ANKS1A: variants seen among roughly 807,000 people sequenced by gnomAD.
The protein encoded by ANKS1A is ankyrin repeat and sterile alpha motif domain containing 1A, also known as ankyrin repeat and SAM domain-containing protein 1A.
A neutral mutation model predicts 120.3 loss-of-function variants in ANKS1A; 55 were observed. The observed-to-expected ratio is 0.46, with a 90% CI of 0.37 to 0.57. The LOEUF (loss-of-function observed/expected upper bound fraction) is 0.57. Among genes scored for constraint, ANKS1A ranks in the 20% least tolerant of loss-of-function variants. The pLI is 0.00. For missense variants in ANKS1A, 1,123 were observed against 1,480.3 expected (o/e 0.76, Z 3.96); for synonymous variants, 590 against 604.7 (o/e 0.98, Z 0.36).
In ANKS1A at chr6:34,891,530, C is replaced by A. The variant is rs546209731; in HGVS notation, c.197+1931C>A. On this transcript the variant is annotated intron_variant, in intron 1 of 23. Coordinates refer to ENST00000360359, the MANE Select transcript of ANKS1A (RefSeq NM_015245.3). ...GCCTCTGTCTTTAATGAGTTGATGA[C>A]ATAGCATTTGGAGATTTTCCAGAGA... Among the ~76,000 whole-genome samples, 19 of 152,314 alleles carry A rather than the reference C, an allele frequency of 1.2e-4. No individual in the cohort carries two copies. The East Asian group carries it at 3.7e-3, about 29-fold the overall frequency.
Position 35,084,046 on chromosome 6 carries a change from G to A in ANKS1A, c.2995-75G>A. 6.3e-7 allele frequency: 1 copy of A among 1,583,312 alleles called. No individual in the cohort carries two copies. The highest frequency in any genetic ancestry group is 1.2e-5 in the South Asian group (1 of 86,560). On this transcript the variant is annotated intron_variant, in intron 20 of 23. Transcript: ENST00000360359. The surrounding 1 kb of genome is among the most constrained non-coding windows in gnomAD (Gnocchi z 4.8). ...GGCTGGGACAGAGAACAGTGACAAT[G>A]GTAACAGGCTGGGGCAGGGGGTGCC...
chr6:34,968,516 C>T (rs1025089761), intron 2 of ANKS1A, among the ~76,000 whole-genome samples: 2 of 152,140 alleles, frequency 1.3e-5, no homozygotes, highest in Non-Finnish European at 2.9e-5. Context: ...TGGCTCACTG[C>T]AACCTCCACC....
chr6:35,005,103 A>T (rs931218495), intron 10 of ANKS1A, among the ~76,000 whole-genome samples: 2 of 152,222 alleles, frequency 1.3e-5, no homozygotes, highest in Non-Finnish European at 2.9e-5. Flanking sequence ...GTGTTCTTAA[A>T]TACTTATAAA....
chr6:35,094,278 A>C (rs767982641), downstream of ANKS1A, among the ~76,000 whole-genome samples: 4 of 152,188 alleles, frequency 2.6e-5, no homozygotes, highest in Admixed American at 2.0e-4. Flanking sequence ...AGTAATCAAT[A>C]GATATCAACA....
chr6:34,934,293 G>A (rs1479581921), intron 1 of ANKS1A, among the ~76,000 whole-genome samples: 2 of 151,946 alleles, frequency 1.3e-5, no homozygotes, highest in South Asian at 2.1e-4. Flanking sequence ...GACTACAGGC[G>A]CCCACCACCA....
intron 1 of ANKS1A, among the ~76,000 whole-genome samples, chr6:34,945,482 A>T (rs1769744860): frequency 6.6e-6 from 1 of 152,186 alleles, no homozygotes; most frequent in African/African-American, 2.4e-5. Flanking sequence ...TGTTGCAAAG[A>T]CCATCTTATC....
rs202095389 is a variant in ANKS1A at position 34,981,997 on chromosome 6, G to A, written c.732+11G>A. On this transcript the variant is annotated intron_variant, in intron 4 of 23. Transcript: ENST00000360359. ...GACAGCAACTACCAGGTAGCAGGGCGGGTGGGGGCTCCTCCAATCTCAAGA... is the reference window on the plus strand; with the variant it reads ...GACAGCAACTACCAGGTAGCAGGGCAGGTGGGGGCTCCTCCAATCTCAAGA... 1.2e-3 allele frequency: 1,946 copies of A among 1,612,712 alleles called. 2 individuals carry two copies. The highest frequency in any genetic ancestry group is 1.5e-3 in the Non-Finnish European group (1,718 of 1,179,110).
intron 1 of ANKS1A, 26 bp from the exon 2 acceptor site, chr6:34,967,213 C>T (rs1428043016): frequency 6.2e-7 from 1 of 1,604,106 alleles, no homozygotes; most frequent in South Asian, 1.1e-5. Context: ...AAATCTATGT[C>T]TCTCTCTTTT....
At position 35,061,369 on chromosome 6, in the gene ANKS1A, A is replaced by C. The variant is rs536353507; in HGVS notation, c.2184+1116A>C. Among the ~76,000 whole-genome samples, 158 of 152,036 alleles carry C rather than the reference A, an allele frequency of 1.0e-3. No homozygotes were observed. The Middle Eastern group carries it at 0.031, about 29-fold the overall frequency. On this transcript the variant is annotated intron_variant, in intron 13 of 23. Coordinates refer to ENST00000360359, the MANE Select transcript of ANKS1A (RefSeq NM_015245.3). ...AGTCATCTTGGTTTGAGTTAGACCC[A>C]CCCGCTCCGAGGGGATCTCTCTCAC...
intron 11 of ANKS1A, among the ~76,000 whole-genome samples, chr6:35,026,219 G>A (rs1220515662): frequency 6.6e-6 from 1 of 152,148 alleles, no homozygotes; most frequent in East Asian, 1.9e-4. Context: ...GCGTGATTTT[G>A]TATGACTTTG....
Position 35,083,240 on chromosome 6 carries a change from G to C in ANKS1A, c.2907+14G>C. The C allele has an allele frequency of 1.2e-6, 2 of 1,614,026 alleles. No homozygotes were observed. Among genetic ancestry groups the C allele is most frequent in the Non-Finnish European group, 1.7e-6 (2 of 1,179,980 alleles). On this transcript the variant is annotated intron_variant, in intron 19 of 23. Coordinates refer to ENST00000360359, the MANE Select transcript of ANKS1A (RefSeq NM_015245.3). ...GCCAAGATGCGGGTAGGGTGCCTGT[G>C]TGGGCTGGAGGGCGCTGTGGGACTG...
At chr6:35,068,117 C>G (rs1776873444) in intron 13 of ANKS1A, among the ~76,000 whole-genome samples, 1 of 152,184 alleles carries the variant, frequency 6.6e-6, no homozygotes, top group South Asian at 2.1e-4. Flanking sequence ...TGGTCTTGAA[C>G]TCCTGACCTC....
Position 35,086,240 on chromosome 6 carries a change from T to G in ANKS1A, c.3303+304T>G. On this transcript the variant is annotated intron_variant, in intron 22 of 23. Coordinates refer to ENST00000360359, the MANE Select transcript of ANKS1A (RefSeq NM_015245.3). The surrounding 1 kb of genome is among the most constrained non-coding windows in gnomAD (Gnocchi z 5.1). ...GCCCCCAGTAACTGCGCCATCCCTG[T>G]GTCTGTGTCTGCTTTGCTCTGCACC... The G allele has an allele frequency of 7.4e-7, 1 of 1,360,482 alleles. No individual in the cohort carries two copies. Among genetic ancestry groups the G allele is most frequent in the Non-Finnish European group, 9.7e-7 (1 of 1,032,108 alleles). 84.3% of individuals were successfully genotyped at this position (1,360,482 alleles called of 1,614,324 possible).
At chr6:35,073,667 T>C (rs943762916) in intron 13 of ANKS1A, among the ~76,000 whole-genome samples, 3 of 152,254 alleles carry the variant, frequency 2.0e-5, no homozygotes, top group African/African-American at 7.2e-5. Flanking sequence ...GACAATGAAC[T>C]GTTGTCCTTT....
Position 35,050,146 on chromosome 6 carries a change from T to C in ANKS1A, c.2011-3953T>C, listed in dbSNP as rs1775901103. 6.6e-6 allele frequency among the ~76,000 whole-genome samples: 1 copy of C among 152,204 alleles called. No homozygotes were observed. The highest frequency in any genetic ancestry group is 2.1e-4 in the South Asian group (1 of 4,830). On this transcript the variant is annotated intron_variant, in intron 11 of 23. Coordinates refer to ENST00000360359, the MANE Select transcript of ANKS1A (RefSeq NM_015245.3). This position sits in a 1 kb window ranked among gnomAD's most constrained non-coding sequence, Gnocchi z 4.3. ...CAGCAGTATCTCCAGTGTTTGTTTT[T>C]GTTCTTGTTTTCAGCCATATGGGGA...
At chr6:34,933,610 T>A (rs1769106577) in intron 1 of ANKS1A, among the ~76,000 whole-genome samples, 1 of 152,162 alleles carries the variant, frequency 6.6e-6, no homozygotes, top group Admixed American at 6.5e-5. Flanking sequence ...CCTTAGGTGA[T>A]CCGCCCGCCT....
chr6:34,902,603 C>G (rs974051872), intron 1 of ANKS1A, among the ~76,000 whole-genome samples: 6 of 152,046 alleles, frequency 3.9e-5, no homozygotes, highest in Admixed American at 3.3e-4. Context: ...AGTACTTTTA[C>G]TAGATATGTT....
chr6:35,053,065 T>A (rs1409402314), intron 11 of ANKS1A, among the ~76,000 whole-genome samples: 1 of 152,190 alleles, frequency 6.6e-6, no homozygotes, highest in African/African-American at 2.4e-5. Flanking sequence ...GATGCACGGC[T>A]TTGTCTGCCA....
At chr6:34,946,770 G>GT (rs2127489140) in intron 1 of ANKS1A, among the ~76,000 whole-genome samples, 1 of 152,312 alleles carries the variant, frequency 6.6e-6, no homozygotes, top group African/African-American at 2.4e-5. Flanking sequence ...GCACAAAGGT[G>GT]TAAGTATTAG....
Sources: allele counts gnomAD v4.1 joint callset (sites outside exome capture counted in the v4.1 genomes callset), GRCh38; gene constraint gnomAD v4.1.1; non-coding constraint Gnocchi (gnomAD v3.1); transcripts MANE v1.5; gene names NCBI Gene and HGNC (gene_info 2026-07-23, HGNC 2026-07-21).